Variants in LRP1B observed in about 807,000 individuals in gnomAD.
LRP1B encodes low-density lipoprotein receptor-related protein 1B.
LRP1B carries 217 observed loss-of-function variants against 556.6 expected under a neutral mutation model. The ratio of observed to expected loss-of-function variants is 0.39; its 90% CI spans 0.35 to 0.44. The LOEUF (loss-of-function observed/expected upper bound fraction) is 0.44. Among genes scored for constraint, LRP1B ranks in the 20% least tolerant of loss-of-function variants. The pLI is 1.00. For synonymous variants in LRP1B, 2,047 were observed against 1,865.8 expected (o/e 1.10, Z -2.50); for missense variants, 5,053 against 5,620.8 (o/e 0.90, Z 3.23).
rs187469264 is a variant in LRP1B, at chr2:140,321,818, T to C, written c.12640+145A>G. 176 of 727,518 alleles carry C rather than the reference T, an allele frequency of 2.4e-4. 1 individual carries two copies. The African/African-American group carries it at 3.0e-3, about 12-fold the overall frequency. 45.1% of individuals were successfully genotyped at this position (727,518 alleles called of 1,614,324 possible). A position where few individuals can be genotyped will look rare whatever the true frequency, so the allele number is the denominator to read the frequency against. ...TTTGAAAGTCTTCTCCAGAGAAAAG[T>C]ACAGTTTACACAGGCATTCAAGAAC... On this transcript the variant is annotated intron_variant, in intron 82 of 90. Transcript: ENST00000389484.
chr2:141,763,691 C>G (rs1056791950), intron 2 of LRP1B, among the ~76,000 whole-genome samples: 3 of 152,044 alleles, frequency 2.0e-5, no homozygotes, highest in Admixed American at 1.3e-4. Context: ...CAACCAATTT[C>G]AGAATATATC....
chr2:141,049,071 A>G lies in LRP1B; in HGVS notation c.1704T>C (p.Asn568=), dbSNP rs2105445758. 1 of 1,613,616 alleles carries G rather than the reference A, an allele frequency of 6.2e-7. No individual in the cohort carries two copies. Among genetic ancestry groups the G allele is most frequent in the Non-Finnish European group, 8.5e-7 (1 of 1,179,706 alleles). Residue 568 remains asparagine (N), a synonymous_variant, in exon 11 of 91, where the codon AAT becomes AAC. Coordinates refer to ENST00000389484, the MANE Select transcript of LRP1B (RefSeq NM_018557.3). ...TGGTGGTGTCAGCAAAGTAGATGTA[A>G]TTGGTTTCTGCGTGAAAGTCTAAAG... ...PRALDFHAET[N]YIYFADTTSF...
chr2:141,901,149 C>A (rs1188943180), intron 1 of LRP1B, among the ~76,000 whole-genome samples: 1 of 152,038 alleles, frequency 6.6e-6, no homozygotes, highest in Non-Finnish European at 1.5e-5. Flanking sequence ...GCTTACAGGA[C>A]AAATGCACTA....
At chr2:141,938,023 A>G (rs1427687005) in intron 1 of LRP1B, among the ~76,000 whole-genome samples, 6 of 152,040 alleles carry the variant, frequency 3.9e-5, no homozygotes, top group African/African-American at 1.4e-4. Context: ...TTTTATGTCT[A>G]TGATCTATAT....
At chr2:141,699,474 C>G (rs1691856280) in intron 2 of LRP1B, among the ~76,000 whole-genome samples, 1 of 151,736 alleles carries the variant, frequency 6.6e-6, no homozygotes, top group African/African-American at 2.4e-5. Context: ...AAAGGAGAGT[C>G]AGGATTACAA....
chr2:141,560,672 A>C (rs1686113942), intron 2 of LRP1B, among the ~76,000 whole-genome samples: 2 of 151,692 alleles, frequency 1.3e-5, no homozygotes, highest in African/African-American at 4.8e-5. Flanking sequence ...ATCAATACAA[A>C]TTTGATAAAT....
intron 6 of LRP1B, among the ~76,000 whole-genome samples, chr2:141,207,155 T>A (rs1393443691): frequency 6.6e-6 from 1 of 152,182 alleles, no homozygotes; most frequent in Non-Finnish European, 1.5e-5. Flanking sequence ...CTTTCCCTTA[T>A]CTCATTTAAC....
chr2:141,660,997 A>T (rs1223104845), intron 2 of LRP1B, among the ~76,000 whole-genome samples: 1 of 152,064 alleles, frequency 6.6e-6, no homozygotes, highest in Non-Finnish European at 1.5e-5. Flanking sequence ...TGCAGCCTCC[A>T]CTGGTGACAC....
chr2:141,618,123 G>C (rs1308700900), intron 2 of LRP1B, among the ~76,000 whole-genome samples: 1 of 152,140 alleles, frequency 6.6e-6, no homozygotes, highest in Admixed American at 6.5e-5. Flanking sequence ...TGAGGTCTGA[G>C]GGGACGGAGA....
rs1234446726 is a variant in LRP1B, at chr2:141,070,765, T to A, written c.1014-8492A>T. On this transcript the variant is annotated intron_variant, in intron 7 of 90. Coordinates refer to ENST00000389484, the MANE Select transcript of LRP1B (RefSeq NM_018557.3). ...AACTAGAAAATCTAGAAGAAATGGA[T>A]AAATTCCTCAACACATACACCCTCC... Among the ~76,000 whole-genome samples, 792 of 151,946 alleles carry A rather than the reference T, an allele frequency of 5.2e-3. 10 individuals carry two copies. Among genetic ancestry groups the A allele is most frequent in the African/African-American group, 0.018 (742 of 41,300 alleles).
chr2:141,265,107 C>T (rs938891177), intron 3 of LRP1B, among the ~76,000 whole-genome samples: 1 of 152,136 alleles, frequency 6.6e-6, no homozygotes, highest in Admixed American at 6.5e-5. Context: ...ACTCCCATGT[C>T]CAGGAGTCAA....
chr2:141,206,586 C>T (rs1459540966), intron 6 of LRP1B, among the ~76,000 whole-genome samples: 1 of 147,656 alleles, frequency 6.8e-6, no homozygotes, highest in Non-Finnish European at 1.5e-5. Flanking sequence ...GACTCCGTCT[C>T]AAAAAAAAAA....
chr2:141,153,113 T>A (rs2105088442), intron 7 of LRP1B, among the ~76,000 whole-genome samples: 1 of 148,580 alleles, frequency 6.7e-6, no homozygotes, highest in Non-Finnish European at 1.5e-5. Flanking sequence ...GATCCACACT[T>A]ATTTAAATTT....
At chr2:141,725,153 T>C (rs1254241401) in intron 2 of LRP1B, among the ~76,000 whole-genome samples, 2 of 151,974 alleles carry the variant, frequency 1.3e-5, no homozygotes, top group Admixed American at 1.3e-4. Flanking sequence ...GTAAGGTGTA[T>C]TTTACTTGCA....
intron 20 of LRP1B, among the ~76,000 whole-genome samples, chr2:140,936,678 CTT>C (rs138837115): frequency 0.037 from 5,690 of 152,068 alleles, 159 homozygotes; most frequent in South Asian, 0.093. Context: ...TACTATACTT[CTT>C]GTTTCCTACA....
At chr2:140,622,941 T>A (rs947259132) in intron 41 of LRP1B, among the ~76,000 whole-genome samples, 1 of 141,448 alleles carries the variant, frequency 7.1e-6, no homozygotes, top group Non-Finnish European at 1.6e-5. Flanking sequence ...AAAATGCTTC[T>A]ATTCTGATTT....
intron 2 of LRP1B, among the ~76,000 whole-genome samples, chr2:141,680,614 TG>T (rs1424238878): frequency 6.6e-6 from 1 of 151,966 alleles, no homozygotes; most frequent in Non-Finnish European, 1.5e-5. Flanking sequence ...TGTGACAAAA[TG>T]AAAGTATGAG....
At chr2:142,002,530 C>G (rs1702684496) in intron 1 of LRP1B, among the ~76,000 whole-genome samples, 2 of 151,024 alleles carry the variant, frequency 1.3e-5, no homozygotes, top group African/African-American at 2.4e-5. Context: ...TAAAATCTAT[C>G]TAGTATGGGA....
At chr2:140,766,834 TATATATATATTA>T (rs1383748702) in intron 35 of LRP1B, among the ~76,000 whole-genome samples, 2 of 24,066 alleles carry the variant, frequency 8.3e-5, no homozygotes, top group African/African-American at 7.7e-5. Context: ...TATATATATA[TATATATATATTA>T]TATATATATA....
Sources: gnomAD v4.1 joint callset for allele counts (sites outside exome capture counted in the v4.1 genomes callset) on GRCh38, gnomAD v4.1.1 for gene constraint, MANE v1.5 for transcripts, NCBI Gene and HGNC (gene_info 2026-07-23, HGNC 2026-07-21) for gene names.